ASTN2: variants seen among roughly 807,000 people sequenced by gnomAD.
ASTN2 encodes the protein astrotactin 2, also known as astrotactin-2.
A neutral mutation model predicts 139.8 loss-of-function variants in ASTN2; 54 were observed. That is an observed-to-expected ratio of 0.39 (90% confidence interval 0.31 to 0.48). ASTN2 has a LOEUF of 0.48. ASTN2 is among the 20% of genes least tolerant of loss of function. The pLI, the probability that ASTN2 is intolerant of heterozygous loss-of-function variation, is 0.95. For synonymous variants in ASTN2, 756 were observed against 719.5 expected, an observed-to-expected ratio of 1.05 and a Z score of -0.81; for missense variants, 1,565 against 1,725.1, an observed-to-expected ratio of 0.91 and a Z score of 1.64.
intron 13 of ASTN2, among the ~76,000 whole-genome samples, chr9:116,739,245 A>G (rs530631363): frequency 5.7e-4 from 87 of 152,272 alleles, no homozygotes; most frequent in Non-Finnish European, 1.1e-3. Flanking sequence ...GCAGTGGAAA[A>G]TCAGAGGAGA....
intron 16 of ASTN2, among the ~76,000 whole-genome samples, chr9:116,718,975 C>CTATATATATATATATATATATAT (rs1564230183): frequency 1.7e-5 from 2 of 116,576 alleles, no homozygotes; most frequent in Non-Finnish European, 3.5e-5. Context: ...TGTATCTGTA[C>CTATATATATATATATATATATAT]ATATATATAT....
intron 19 of ASTN2, among the ~76,000 whole-genome samples, chr9:116,572,090 C>A (rs1259606344): frequency 4.6e-5 from 7 of 152,078 alleles, no homozygotes; most frequent in African/African-American, 1.7e-4. Flanking sequence ...TTTGTAGGTA[C>A]AACTGCATAT....
chr9:117,257,291 G>C (rs1833713033), intron 2 of ASTN2, among the ~76,000 whole-genome samples: 1 of 152,184 alleles, frequency 6.6e-6, no homozygotes. Flanking sequence ...CTGCATGAAA[G>C]CTAGCTTAAA....
chr9:116,589,356 T>C (rs1854286103), intron 19 of ASTN2, among the ~76,000 whole-genome samples: 1 of 152,230 alleles, frequency 6.6e-6, no homozygotes, highest in South Asian at 2.1e-4. Context: ...CTTTGATGAA[T>C]CGCTCTCTTG....
chr9:117,288,184 T>C (rs10513297), intron 2 of ASTN2, among the ~76,000 whole-genome samples: 67,394 of 151,990 alleles, frequency 0.44, 15,272 homozygotes, highest in East Asian at 0.57. Context: ...TTCAGAGTAC[T>C]TCCTTGCTGC....
chr9:116,434,447 G>T (rs926100918), intron 22 of ASTN2, among the ~76,000 whole-genome samples: 3 of 152,154 alleles, frequency 2.0e-5, no homozygotes, highest in Admixed American at 2.0e-4. Flanking sequence ...ACACAGCAGT[G>T]GATGTGTAAC....
chr9:117,334,617 C>A (rs1299674714), intron 1 of ASTN2, among the ~76,000 whole-genome samples: 1 of 152,088 alleles, frequency 6.6e-6, no homozygotes, highest in East Asian at 1.9e-4. Flanking sequence ...ATGCCTTTTA[C>A]ACACCAGCCA....
At chr9:116,428,350 C>G (rs1430207960) in intron 22 of ASTN2, among the ~76,000 whole-genome samples, 1 of 152,036 alleles carries the variant, frequency 6.6e-6, no homozygotes, top group Non-Finnish European at 1.5e-5. Context: ...ATACTGAAAC[C>G]CTGTCTTTAC....
chr9:116,539,376 T>C (rs934054160), intron 19 of ASTN2, among the ~76,000 whole-genome samples: 4 of 142,604 alleles, frequency 2.8e-5, no homozygotes, highest in African/African-American at 1.1e-4. Context: ...AAAAAATCTA[T>C]GAGGGAGGGA....
intron 19 of ASTN2, among the ~76,000 whole-genome samples, chr9:116,606,441 AAGAG>A (rs141352618): frequency 2.0e-4 from 30 of 151,524 alleles, no homozygotes; most frequent in African/African-American, 6.5e-4. Flanking sequence ...ACATGGGAGA[AAGAG>A]AGAGAGAGAG....
At chr9:117,091,090 G>A (rs1442751178) in intron 5 of ASTN2, among the ~76,000 whole-genome samples, 3 of 152,154 alleles carry the variant, frequency 2.0e-5, no homozygotes, top group African/African-American at 7.2e-5. Flanking sequence ...AATAGGGAGA[G>A]GTAAGGCCCC....
rs71379275 is a variant in ASTN2 at position 117,364,950 on chromosome 9, AACACACACACAC to A, written c.442+49535_442+49546del. Among the ~76,000 whole-genome samples the A allele has an allele frequency of 4.8e-3, 581 of 121,536 alleles. 5 individuals are homozygous for A. The highest frequency in any genetic ancestry group is 0.017 in the African/African-American group (527 of 31,142). 79.7% of individuals were successfully genotyped at this position (121,536 alleles called of 152,430 possible). ...CAACATAGTGAGACTCCATCTCTAC[AACACACACACAC>A]ACACACACACACACACACACACACA... On this transcript the variant is annotated intron_variant, in intron 1 of 22. Transcript: ENST00000313400.
intron 5 of ASTN2, among the ~76,000 whole-genome samples, chr9:117,058,352 C>T (rs889470714): frequency 6.6e-6 from 1 of 152,078 alleles, no homozygotes; most frequent in Non-Finnish European, 1.5e-5. Context: ...GAAGTATTCC[C>T]TTGTTTCACA....
chr9:117,071,060 C>T (rs949961011), intron 5 of ASTN2, among the ~76,000 whole-genome samples: 15 of 149,170 alleles, frequency 1.0e-4, no homozygotes, highest in African/African-American at 3.2e-4. Context: ...TGAGGAGCTG[C>T]GTTCCTTTGG....
chr9:117,087,984 C>T (rs989446175), intron 5 of ASTN2, among the ~76,000 whole-genome samples: 1 of 152,172 alleles, frequency 6.6e-6, no homozygotes, highest in Non-Finnish European at 1.5e-5. Flanking sequence ...CTAGCTTCAC[C>T]TGTTGTTAAC....
At position 116,723,818 on chromosome 9, in the gene ASTN2, G is replaced by T. The variant is rs572493119; in HGVS notation, c.2806+1953C>A. ...TCAATGCATCCTCTGTCCTTTTCTT[G>T]GGAGCAAGTATGGACGATGGAAGCA... On this transcript the variant is annotated intron_variant, in intron 16 of 22. Coordinates refer to ENST00000313400, the MANE Select transcript of ASTN2 (RefSeq NM_001365068.1). Among the ~76,000 whole-genome samples the T allele has an allele frequency of 3.3e-5, 5 of 152,290 alleles. No homozygotes were observed. In the East Asian group the frequency reaches 9.6e-4, roughly 29 times the overall value.
chr9:116,821,406 C>T (rs1235756711), intron 11 of ASTN2, among the ~76,000 whole-genome samples: 1 of 152,148 alleles, frequency 6.6e-6, no homozygotes, highest in African/African-American at 2.4e-5. Context: ...ATTTGGTACT[C>T]ATAAAATGTG....
intron 22 of ASTN2, among the ~76,000 whole-genome samples, chr9:116,438,545 G>T (rs1235272881): frequency 6.6e-6 from 1 of 151,984 alleles, no homozygotes; most frequent in Non-Finnish European, 1.5e-5. Context: ...GATTTTAGGT[G>T]GTACTCAAGA....
At chr9:117,256,092 C>A (rs772838314) in intron 2 of ASTN2, among the ~76,000 whole-genome samples, 70 of 152,152 alleles carry the variant, frequency 4.6e-4, no homozygotes, top group Non-Finnish European at 5.7e-4. Context: ...TCACACCAAG[C>A]CTGCAAGTTT....
Sources: gnomAD v4.1 joint callset for allele counts (sites outside exome capture counted in the v4.1 genomes callset) on GRCh38, gnomAD v4.1.1 for gene constraint, MANE v1.5 for transcripts, NCBI Gene and HGNC (gene_info 2026-07-23, HGNC 2026-07-21) for gene names.